Variants in LRRTM4 observed in about 807,000 individuals in gnomAD.
The protein encoded by LRRTM4 is leucine-rich repeat transmembrane neuronal protein 4.
Under a neutral mutation model 47.6 loss-of-function variants are expected in LRRTM4, and 25 were observed. The observed-to-expected ratio is 0.53, with a 90% confidence interval of 0.38 to 0.73. The LOEUF (loss-of-function observed/expected upper bound fraction) is 0.73, where lower values mean the gene tolerates loss of function less well. LRRTM4 is among the 30% of genes least tolerant of loss of function. The pLI is 0.00. For missense variants in LRRTM4, 638 were observed against 713.4 expected, an observed-to-expected ratio of 0.89 and a Z score of 1.20; for synonymous variants, 311 against 269.5, an observed-to-expected ratio of 1.15 and a Z score of -1.51.
rs1679435993 is a variant in LRRTM4 at position 77,051,636 on chromosome 2, C to T, written c.1552-302720G>A. ...TAATGTCATGGTCTGAAATTATTTTCTATTCTTTTTCTCTGGGATAGATAG... is the reference window on the plus strand; with the variant it reads ...TAATGTCATGGTCTGAAATTATTTTTTATTCTTTTTCTCTGGGATAGATAG... On this transcript the variant is annotated intron_variant, in intron 3 of 3. Coordinates refer to ENST00000409884, the MANE Select transcript of LRRTM4 (RefSeq NM_001134745.3). 2.6e-5 allele frequency among the ~76,000 whole-genome samples: 4 copies of T among 152,242 alleles called. No individual in the cohort carries two copies. In the South Asian group the frequency reaches 8.3e-4, roughly 32 times the overall value.
At chr2:76,989,352 A>T (rs1350124574) in intron 3 of LRRTM4, among the ~76,000 whole-genome samples, 1 of 151,812 alleles carries the variant, frequency 6.6e-6, no homozygotes, top group Non-Finnish European at 1.5e-5. Context: ...CCCACAACAA[A>T]GATTTTCTTA....
Position 76,985,614 on chromosome 2 carries a change from T to C in LRRTM4, c.1552-236698A>G, listed in dbSNP as rs527878020. ...TTAGTGAAAATTCTGTTATGTCAAATGTCTTGCCGCATGATTTGAAGTTTT... is the reference window on the plus strand; with the variant it reads ...TTAGTGAAAATTCTGTTATGTCAAACGTCTTGCCGCATGATTTGAAGTTTT... On this transcript the variant is annotated intron_variant, in intron 3 of 3. Transcript: ENST00000409884. Among the ~76,000 whole-genome samples, 3 of 152,124 alleles carry C rather than the reference T, an allele frequency of 2.0e-5. No homozygotes were observed. The South Asian group carries it at 6.2e-4, about 32-fold the overall frequency.
chr2:76,863,833 T>G (rs115970819), intron 3 of LRRTM4, among the ~76,000 whole-genome samples: 9 of 152,278 alleles, frequency 5.9e-5, no homozygotes, highest in Non-Finnish European at 1.0e-4. Flanking sequence ...AGTAATCATA[T>G]CTCATATCAT....
chr2:76,801,096 T>A (rs1448863926), intron 3 of LRRTM4, among the ~76,000 whole-genome samples: 2 of 151,770 alleles, frequency 1.3e-5, no homozygotes, highest in Non-Finnish European at 2.9e-5. Flanking sequence ...ATTGTGGAAG[T>A]CGGTGTGGCG....
At chr2:76,902,391 CATT>C (rs1258930190) in intron 3 of LRRTM4, among the ~76,000 whole-genome samples, 4 of 152,070 alleles carry the variant, frequency 2.6e-5, no homozygotes, top group Non-Finnish European at 5.9e-5. Context: ...ATACTTGAAA[CATT>C]ATAACATATT....
intron 3 of LRRTM4, among the ~76,000 whole-genome samples, chr2:77,022,808 C>A (rs941655370): frequency 1.2e-4 from 19 of 152,178 alleles, no homozygotes; most frequent in African/African-American, 4.6e-4. Flanking sequence ...CTTTTATGGG[C>A]TGGCATTGAG....
At chr2:77,480,070 A>G (rs2104014297) in intron 3 of LRRTM4, among the ~76,000 whole-genome samples, 1 of 152,310 alleles carries the variant, frequency 6.6e-6, no homozygotes, top group South Asian at 2.1e-4. Flanking sequence ...ACAGAGCCAG[A>G]GCTCTGGGCC....
At chr2:77,015,700 T>G in intron 3 of LRRTM4, among the ~76,000 whole-genome samples, 1 of 152,242 alleles carries the variant, frequency 6.6e-6, no homozygotes, top group Non-Finnish European at 1.5e-5. Flanking sequence ...AGAGACACTC[T>G]TCTGCCTTGC....
intron 3 of LRRTM4, among the ~76,000 whole-genome samples, chr2:77,354,453 C>T (rs530875868): frequency 3.9e-5 from 6 of 152,046 alleles, no homozygotes; most frequent in African/African-American, 9.7e-5. Flanking sequence ...AATGCTTCAG[C>T]GGTTAGTTTG....
chr2:77,090,943 A>G (rs752737588), intron 3 of LRRTM4, among the ~76,000 whole-genome samples: 1 of 151,860 alleles, frequency 6.6e-6, no homozygotes, highest in Admixed American at 6.6e-5. Flanking sequence ...CTTCTTAATC[A>G]ATACGGAGGC....
intron 3 of LRRTM4, among the ~76,000 whole-genome samples, chr2:77,394,682 T>C (rs1673630876): frequency 6.6e-6 from 1 of 151,946 alleles, no homozygotes; most frequent in Non-Finnish European, 1.5e-5. Context: ...ACATGCATAC[T>C]GAATGAACAT....
intron 3 of LRRTM4, among the ~76,000 whole-genome samples, chr2:77,412,610 G>A (rs1238556720): frequency 6.6e-6 from 1 of 152,274 alleles, no homozygotes; most frequent in Middle Eastern, 3.4e-3. Context: ...ACACACAGCC[G>A]TGTCTGTGCA....
intron 3 of LRRTM4, among the ~76,000 whole-genome samples, chr2:76,915,232 G>A (rs1171289411): frequency 6.6e-6 from 1 of 152,146 alleles, no homozygotes; most frequent in South Asian, 2.1e-4. Flanking sequence ...GGACTAATGG[G>A]TTGAAGTCTG....
At chr2:77,030,307 G>T (rs531183275) in intron 3 of LRRTM4, among the ~76,000 whole-genome samples, 2 of 152,210 alleles carry the variant, frequency 1.3e-5, no homozygotes, top group South Asian at 2.1e-4. Flanking sequence ...GGTGGTATGT[G>T]CCTGTAGTCC....
At chr2:76,857,359 G>A (rs1298236929) in intron 3 of LRRTM4, among the ~76,000 whole-genome samples, 2 of 145,576 alleles carry the variant, frequency 1.4e-5, no homozygotes, top group African/African-American at 5.3e-5. Context: ...AGCAATACAT[G>A]GCTTGTTTTG....
chr2:77,194,292 T>TA (rs1255241933), intron 3 of LRRTM4, among the ~76,000 whole-genome samples: 3 of 152,190 alleles, frequency 2.0e-5, no homozygotes, highest in African/African-American at 7.2e-5. Context: ...TCACAACTCT[T>TA]ATGTGAGAAA....
At position 77,224,630 on chromosome 2, in the gene LRRTM4, G is replaced by A. The variant is rs545177481; in HGVS notation, c.1551+293688C>T. ...AAAAAAATGCTCATCATCACTGGCG[G>A]TCAGAGAAATGCAAATCAAAACCAC... On this transcript the variant is annotated intron_variant, in intron 3 of 3. Coordinates refer to ENST00000409884, the MANE Select transcript of LRRTM4 (RefSeq NM_001134745.3). Among the ~76,000 whole-genome samples the A allele has an allele frequency of 4.3e-4, 65 of 152,228 alleles. 1 individual carries two copies. Among genetic ancestry groups the A allele is most frequent in the Admixed American group, 2.2e-3 (33 of 15,294 alleles).
In LRRTM4 at chr2:76,860,908, T is replaced by A. The variant is rs187304354; in HGVS notation, c.1552-111992A>T. ...TGTAAAATTAAAAAAAAGCATAGTA[T>A]CAGAGGAAAGGCCTGGTGTTAATAT... is the stretch of plus-strand genomic sequence containing the variant. On this transcript the variant is annotated intron_variant, in intron 3 of 3. Coordinates refer to ENST00000409884, the MANE Select transcript of LRRTM4 (RefSeq NM_001134745.3). Among the ~76,000 whole-genome samples the A allele has an allele frequency of 7.8e-4, 119 of 151,946 alleles. 3 individuals carry two copies. The East Asian group carries it at 0.018, about 23-fold the overall frequency.
intron 3 of LRRTM4, among the ~76,000 whole-genome samples, chr2:77,098,488 G>T (rs1262443099): frequency 6.6e-6 from 1 of 151,886 alleles, no homozygotes; most frequent in Admixed American, 6.6e-5. Flanking sequence ...TCCTACTAGA[G>T]ACAAAATTTA....
Sources: allele counts gnomAD v4.1 joint callset (sites outside exome capture counted in the v4.1 genomes callset), GRCh38; gene constraint gnomAD v4.1.1; transcripts MANE v1.5; gene names NCBI Gene and HGNC (gene_info 2026-07-23, HGNC 2026-07-21).